The following NRXN1 variants were observed in gnomAD, a reference collection of about 807,000 sequenced individuals.
NRXN1 encodes the protein neurexin 1, also known as neurexin-1.
A neutral mutation model predicts 150.9 loss-of-function variants in NRXN1; 39 were observed. The observed-to-expected ratio is 0.26, with a 90% CI of 0.20 to 0.34. NRXN1 has a LOEUF of 0.34. Ranked by LOEUF, NRXN1 falls within the 10% of genes least tolerant of loss-of-function variation. The pLI, the probability that NRXN1 is intolerant of heterozygous loss-of-function variation, is 1.00. For missense variants in NRXN1, 1,815 were observed against 1,949.9 expected (o/e 0.93, Z 1.30); for synonymous variants, 924 against 757.0 (o/e 1.22, Z -3.62).
At chr2:50,881,473 G>A (rs1679420270) in intron 5 of NRXN1, among the ~76,000 whole-genome samples, 1 of 151,868 alleles carries the variant, frequency 6.6e-6, no homozygotes, top group African/African-American at 2.4e-5. Context: ...CTTTTACTAT[G>A]CAGTATAACT....
chr2:49,951,268 T>A (rs535319695), intron 21 of NRXN1, among the ~76,000 whole-genome samples: 1 of 151,976 alleles, frequency 6.6e-6, no homozygotes, highest in Non-Finnish European at 1.5e-5. Flanking sequence ...AGCAAACTTA[T>A]TCAAAATAGA....
At chr2:50,117,139 G>A (rs1193720460) in intron 18 of NRXN1, among the ~76,000 whole-genome samples, 1 of 152,074 alleles carries the variant, frequency 6.6e-6, no homozygotes, top group Non-Finnish European at 1.5e-5. Context: ...AATCTGTTTA[G>A]ACAAGAAAAT....
chr2:50,352,778 T>TAATAA lies in NRXN1; in HGVS notation c.3364+112663_3364+112664insTTATT, dbSNP rs199706433. ...GATAATAATAATAATAATAATAATA[T>TAATAA]TATAATAATAATAATAATAATAATA... On this transcript the variant is annotated intron_variant, in intron 17 of 22. Coordinates refer to ENST00000401669, the MANE Select transcript of NRXN1 (RefSeq NM_001330078.2). Among the ~76,000 whole-genome samples the TAATAA allele has an allele frequency of 9.4e-3, 557 of 59,252 alleles. 2 individuals carry two copies. Among genetic ancestry groups the TAATAA allele is most frequent in the African/African-American group, 0.027 (517 of 19,398 alleles). 38.9% of individuals were successfully genotyped at this position (59,252 alleles called of 152,430 possible).
At chr2:50,051,436 T>C (rs1426596509) in intron 21 of NRXN1, among the ~76,000 whole-genome samples, 1 of 152,032 alleles carries the variant, frequency 6.6e-6, no homozygotes, top group African/African-American at 2.4e-5. Flanking sequence ...CATTCCTAAC[T>C]CTGAATGTCC....
intron 8 of NRXN1, among the ~76,000 whole-genome samples, chr2:50,600,469 C>T (rs139139920): frequency 1.6e-3 from 237 of 151,970 alleles, no homozygotes; most frequent in African/African-American, 5.3e-3. Context: ...GGATTACAGG[C>T]GTGTGCCACC....
intron 5 of NRXN1, among the ~76,000 whole-genome samples, chr2:50,878,954 G>A (rs17570759): frequency 0.15 from 22,864 of 151,856 alleles, 2,031 homozygotes; most frequent in Middle Eastern, 0.23. Flanking sequence ...GTTTTTTAGA[G>A]CACCATGATG....
intron 5 of NRXN1, among the ~76,000 whole-genome samples, chr2:50,625,582 T>C (rs1680873977): frequency 6.6e-6 from 1 of 152,070 alleles, no homozygotes; most frequent in South Asian, 2.1e-4. Flanking sequence ...AGTCCAGGTG[T>C]CTGCTCCCCT....
At position 50,912,296 on chromosome 2, in the gene NRXN1, A is replaced by G. The variant is rs577179656; in HGVS notation, c.832+9573T>C. ...CTGTTAAGTTCCTTGAAAAATCTCT[A>G]TTTTAGAAAATGCATCCCAGGTGAT... On this transcript the variant is annotated intron_variant, in intron 5 of 22. Coordinates refer to ENST00000401669, the MANE Select transcript of NRXN1 (RefSeq NM_001330078.2). The G allele has an allele frequency of 4.6e-5, 7 of 151,952 alleles. No individual in the cohort carries two copies. The South Asian group carries it at 1.0e-3, about 22-fold the overall frequency. The allele number at this position is 151,952 out of a possible 1,614,324, so 9.4% of individuals were successfully genotyped here. A position where few individuals can be genotyped will look rare whatever the true frequency, so the allele number is the denominator to read the frequency against.
intron 17 of NRXN1, among the ~76,000 whole-genome samples, chr2:50,349,406 C>A (rs2078260048): frequency 6.6e-6 from 1 of 152,092 alleles, no homozygotes. Context: ...CGTGATTATT[C>A]GTTTTAAAAA....
chr2:50,665,696 G>A (rs1315321647), intron 5 of NRXN1, among the ~76,000 whole-genome samples: 1 of 151,964 alleles, frequency 6.6e-6, no homozygotes, highest in African/African-American at 2.4e-5. Context: ...TTGGAGGTCA[G>A]TTTATCAAAG....
At chr2:49,984,244 G>A (rs901670570) in intron 21 of NRXN1, among the ~76,000 whole-genome samples, 24 of 152,072 alleles carry the variant, frequency 1.6e-4, no homozygotes, top group African/African-American at 5.8e-4. Flanking sequence ...TGAAAGATAA[G>A]TAATCTAACA....
intron 7 of NRXN1, 116 bp from the exon 8 acceptor site, chr2:50,620,299 T>G: frequency 8.6e-7 from 1 of 1,164,550 alleles, no homozygotes; most frequent in Non-Finnish European, 1.2e-6. Flanking sequence ...TGTTTTGCTT[T>G]TTTCTTTTTT....
intron 17 of NRXN1, among the ~76,000 whole-genome samples, chr2:50,277,208 A>C (rs2070607921): frequency 6.6e-6 from 1 of 152,168 alleles, no homozygotes; most frequent in Non-Finnish European, 1.5e-5. Context: ...GAGCCACAAA[A>C]CAACAGTCGC....
chr2:50,775,165 T>A (rs1227086410), intron 5 of NRXN1, among the ~76,000 whole-genome samples: 1 of 152,152 alleles, frequency 6.6e-6, no homozygotes, highest in African/African-American at 2.4e-5. Context: ...TCTCCTATCC[T>A]GCATTTCAAT....
At chr2:50,600,582 C>G (rs1056690158) in intron 8 of NRXN1, among the ~76,000 whole-genome samples, 4 of 152,140 alleles carry the variant, frequency 2.6e-5, no homozygotes, top group African/African-American at 9.7e-5. Flanking sequence ...GCCTCAGCCT[C>G]CCAAAGTGCT....
chr2:50,728,880 A>G (rs1461104250), intron 5 of NRXN1, among the ~76,000 whole-genome samples: 1 of 152,180 alleles, frequency 6.6e-6, no homozygotes, highest in Non-Finnish European at 1.5e-5. Flanking sequence ...TTACCAAATT[A>G]TCCTTTTCTC....
rs537045324 is a variant in NRXN1 at position 50,914,638 on chromosome 2, T to C, written c.832+7231A>G. On this transcript the variant is annotated intron_variant, in intron 5 of 22. Coordinates refer to ENST00000401669, the MANE Select transcript of NRXN1 (RefSeq NM_001330078.2). Reference sequence around the variant, plus strand: ...TGCATTGGACAGGGAATGAGAAAGATAAAAAGTGTCAAATCTGAGGCCACT... The same window carrying C: ...TGCATTGGACAGGGAATGAGAAAGACAAAAAGTGTCAAATCTGAGGCCACT... Among the ~76,000 whole-genome samples the C allele has an allele frequency of 2.0e-5, 3 of 151,822 alleles. No individual in the cohort carries two copies. In the East Asian group the frequency reaches 5.9e-4, roughly 30 times the overall value.
chr2:50,558,902 G>T (rs897182753), intron 8 of NRXN1, among the ~76,000 whole-genome samples: 5 of 152,038 alleles, frequency 3.3e-5, no homozygotes, highest in African/African-American at 9.7e-5. Context: ...CTAACACGGT[G>T]AAACCCTATC....
At chr2:50,781,106 T>C (rs1261129814) in intron 5 of NRXN1, among the ~76,000 whole-genome samples, 7 of 152,190 alleles carry the variant, frequency 4.6e-5, no homozygotes, top group Admixed American at 4.6e-4. Flanking sequence ...CAGCAATTTT[T>C]TGTGCTGGTT....
Sources: gnomAD v4.1 joint callset for allele counts (sites outside exome capture counted in the v4.1 genomes callset) on GRCh38, gnomAD v4.1.1 for gene constraint, MANE v1.5 for transcripts, NCBI Gene and HGNC (gene_info 2026-07-23, HGNC 2026-07-21) for gene names.